RARB: variants seen among roughly 807,000 people sequenced by gnomAD.
RARB encodes HBV-activated protein.
A neutral mutation model predicts 51.9 loss-of-function variants in RARB; 17 were observed. The ratio of observed to expected loss-of-function variants is 0.33; its 90% CI spans 0.22 to 0.49. The LOEUF is 0.49. Among genes scored for constraint, RARB ranks in the 20% least tolerant of loss-of-function variants. The pLI, the probability that RARB is intolerant of heterozygous loss-of-function variation, is 0.99. For missense variants in RARB, 369 were observed against 550.8 expected (o/e 0.67, Z 3.30); for synonymous variants, 215 against 195.4 (o/e 1.10, Z -0.84).
chr3:25,259,821 A>C, intron 5 of RARB: 1 of 771,806 alleles, frequency 1.3e-6, no homozygotes, highest in Non-Finnish European at 1.6e-6. Context: ...CTTCCTCAGT[A>C]AAGTCAGAGC....
At chr3:25,252,276 A>T (rs571558297) in intron 5 of RARB, among the ~76,000 whole-genome samples, 7 of 152,232 alleles carry the variant, frequency 4.6e-5, no homozygotes, top group South Asian at 4.1e-4. Flanking sequence ...TGAAATTGAG[A>T]AGTGTGTGTC....
intron 3 of RARB, among the ~76,000 whole-genome samples, chr3:25,082,531 T>C (rs1397430442): frequency 1.3e-5 from 2 of 152,116 alleles, no homozygotes; most frequent in Non-Finnish European, 2.9e-5. Flanking sequence ...AGTATAATGG[T>C]AAAACCTTAC....
intron 2 of RARB, among the ~76,000 whole-genome samples, chr3:25,477,139 A>G (rs556171352): frequency 6.6e-6 from 1 of 152,388 alleles, no homozygotes; most frequent in Non-Finnish European, 1.5e-5. Context: ...ATGTCCTAAC[A>G]GATCAGAAAG....
At chr3:25,404,343 A>G (rs1330600409) in intron 5 of RARB, among the ~76,000 whole-genome samples, 2 of 152,172 alleles carry the variant, frequency 1.3e-5, no homozygotes, top group South Asian at 2.1e-4. Flanking sequence ...TGTGTAGCCA[A>G]CAGTAACTCA....
chr3:25,009,162 T>C (rs1223706396), intron 2 of RARB, among the ~76,000 whole-genome samples: 19 of 152,206 alleles, frequency 1.2e-4, no homozygotes, highest in African/African-American at 3.4e-4. Flanking sequence ...GTCACTTAAT[T>C]CTGGACATTT....
chr3:24,922,237 G>A (rs940003994), intron 2 of RARB, among the ~76,000 whole-genome samples: 6 of 152,180 alleles, frequency 3.9e-5, no homozygotes, highest in Non-Finnish European at 8.8e-5. Flanking sequence ...AGATAAAAAT[G>A]GTTGAATGAG....
intron 2 of RARB, among the ~76,000 whole-genome samples, chr3:24,989,113 AC>A (rs2125433206): frequency 6.6e-6 from 1 of 152,366 alleles, no homozygotes; most frequent in South Asian, 2.1e-4. Flanking sequence ...GGCGTGAGCC[AC>A]CGCACCCGGC....
intron 2 of RARB, among the ~76,000 whole-genome samples, chr3:25,045,828 T>G (rs1417012265): frequency 2.0e-5 from 3 of 152,268 alleles, no homozygotes; most frequent in African/African-American, 4.8e-5. Context: ...TAAAATTTAA[T>G]GTAGCCTTTT....
At chr3:25,532,489 G>C (rs1385568386) in intron 3 of RARB, among the ~76,000 whole-genome samples, 13 of 152,296 alleles carry the variant, frequency 8.5e-5, no homozygotes, top group African/African-American at 3.1e-4. Context: ...TTATGATACT[G>C]TTTCCCCAAA....
Position 25,575,204 on chromosome 3 carries a change from G to A in RARB, c.609+5286G>A, listed in dbSNP as rs184027180. On this transcript the variant is annotated intron_variant, in intron 4 of 7. Coordinates refer to ENST00000330688, the MANE Select transcript of RARB (RefSeq NM_000965.5). ...GTTCATGTTCCTATGAGAATGTAAT[G>A]CCGCCGCTGATCTGAAGGAGGTGGA... Among the ~76,000 whole-genome samples the A allele has an allele frequency of 3.5e-3, 531 of 152,252 alleles. 3 individuals are homozygous for A. Among genetic ancestry groups the A allele is most frequent in the Middle Eastern group, 6.8e-3 (2 of 294 alleles).
intron 4 of RARB, among the ~76,000 whole-genome samples, chr3:25,165,905 C>G (rs1700553096): frequency 6.6e-6 from 1 of 152,080 alleles, no homozygotes; most frequent in South Asian, 2.1e-4. Flanking sequence ...CATATTTGAA[C>G]TCTGTTTCTT....
chr3:25,091,086 TG>T (rs1242976770), intron 3 of RARB, among the ~76,000 whole-genome samples: 1 of 152,186 alleles, frequency 6.6e-6, no homozygotes, highest in Non-Finnish European at 1.5e-5. Context: ...CATTTGATCC[TG>T]GGGCTTGGAT....
At chr3:25,397,665 T>C (rs912813639) in intron 5 of RARB, among the ~76,000 whole-genome samples, 1 of 152,210 alleles carries the variant, frequency 6.6e-6, no homozygotes, top group Non-Finnish European at 1.5e-5. Context: ...GAGTATCCCT[T>C]CTGTTCCAAG....
chr3:25,556,450 A>G (rs190063481), intron 3 of RARB, among the ~76,000 whole-genome samples: 5 of 152,304 alleles, frequency 3.3e-5, no homozygotes, highest in African/African-American at 1.2e-4. Context: ...ACCAAGGCCA[A>G]GTAGAAAAAT....
chr3:25,261,950 C>T (rs150229779), intron 5 of RARB, among the ~76,000 whole-genome samples: 1 of 152,060 alleles, frequency 6.6e-6, no homozygotes, highest in African/African-American at 2.4e-5. Context: ...CTCATTCTGC[C>T]CTCTCCAAAC....
chr3:25,289,037 C>A (rs572560678), intron 5 of RARB, among the ~76,000 whole-genome samples: 5 of 152,340 alleles, frequency 3.3e-5, no homozygotes, highest in African/African-American at 9.6e-5. Flanking sequence ...GCCACTGAGG[C>A]AACGCTTCAT....
intron 5 of RARB, among the ~76,000 whole-genome samples, chr3:25,239,075 T>C (rs1702370895): frequency 6.6e-6 from 1 of 152,222 alleles, no homozygotes; most frequent in Admixed American, 6.5e-5. Context: ...GAACATTTTT[T>C]CATACATCAG....
intron 5 of RARB, among the ~76,000 whole-genome samples, chr3:25,286,207 G>A (rs1703650422): frequency 1.4e-5 from 2 of 146,132 alleles, no homozygotes; most frequent in Admixed American, 1.4e-4. Context: ...TCCTGCCTCG[G>A]CCTCCCAAGT....
At chr3:24,948,756 C>T (rs1334492266) in intron 2 of RARB, among the ~76,000 whole-genome samples, 13 of 152,104 alleles carry the variant, frequency 8.5e-5, no homozygotes, top group African/African-American at 2.9e-4. Flanking sequence ...TGAGTTCTCA[C>T]TAAGTTCATG....
Sources: gnomAD v4.1 joint callset for allele counts (sites outside exome capture counted in the v4.1 genomes callset) on GRCh38, gnomAD v4.1.1 for gene constraint, MANE v1.5 for transcripts, NCBI Gene and HGNC (gene_info 2026-07-23, HGNC 2026-07-21) for gene names.